The following SLC24A2 variants were observed in gnomAD, a reference collection of about 807,000 sequenced individuals.
SLC24A2 encodes the protein sodium/potassium/calcium exchanger 2.
In SLC24A2, 36 loss-of-function variants were observed where a neutral mutation model predicts 62.0. The observed-to-expected ratio is 0.58, with a 90% CI of 0.44 to 0.77. The LOEUF is 0.77. SLC24A2 is among the 30% of genes least tolerant of loss of function. The pLI is 0.00. For synonymous variants in SLC24A2, 358 were observed against 294.0 expected (o/e 1.22, Z -2.23); for missense variants, 846 against 817.9 (o/e 1.03, Z -0.42).
the SLC24A2 span, among the ~76,000 whole-genome samples, chr9:20,129,211 A>G: frequency 6.6e-6 from 1 of 152,110 alleles, no homozygotes; most frequent in Admixed American, 6.6e-5. Context: ...ATCATTAGTT[A>G]TTAGGGAAGT....
the SLC24A2 span, among the ~76,000 whole-genome samples, chr9:20,176,238 A>G: frequency 2.0e-5 from 3 of 151,928 alleles, no homozygotes; most frequent in Non-Finnish European, 4.4e-5. Flanking sequence ...CTTTTCTTCT[A>G]TTTGCCCCAA....
chr9:19,856,176 G>T, the SLC24A2 span, among the ~76,000 whole-genome samples: 1 of 152,128 alleles, frequency 6.6e-6, no homozygotes. Flanking sequence ...CTGGTTGACA[G>T]CTCTTGTAAT....
the SLC24A2 span, among the ~76,000 whole-genome samples, chr9:20,010,688 C>T: frequency 6.6e-6 from 1 of 151,710 alleles, no homozygotes; most frequent in Non-Finnish European, 1.5e-5. Context: ...TATACATGTG[C>T]CATGTTGGTG....
the SLC24A2 span, among the ~76,000 whole-genome samples, chr9:19,911,186 C>T: frequency 8.0e-5 from 12 of 150,582 alleles, no homozygotes; most frequent in Non-Finnish European, 1.3e-4. Flanking sequence ...TTTGTCCTTG[C>T]GATAGTTTAC....
At chr9:19,947,832 G>GAAAGAA in the SLC24A2 span, among the ~76,000 whole-genome samples, 1 of 143,118 alleles carries the variant, frequency 7.0e-6, no homozygotes, top group East Asian at 2.1e-4. Context: ...AAGAAAGAAA[G>GAAAGAA]AAAGAAAGAA....
chr9:20,136,339 G>T, the SLC24A2 span, among the ~76,000 whole-genome samples: 1 of 152,158 alleles, frequency 6.6e-6, no homozygotes, highest in Non-Finnish European at 1.5e-5. Context: ...GAGGATTCAA[G>T]AAAGAGGGAA....
At chr9:19,860,577 A>C in the SLC24A2 span, among the ~76,000 whole-genome samples, 1 of 152,060 alleles carries the variant, frequency 6.6e-6, no homozygotes. Context: ...AAAGTAAATA[A>C]AACTTTATCT....
rs374506418 is a variant in SLC24A2 at position 19,767,193 on chromosome 9, C to T, written c.930+18744G>A. Among the ~76,000 whole-genome samples the T allele has an allele frequency of 2.4e-4, 36 of 152,266 alleles. No homozygotes were observed. In the South Asian group the frequency reaches 3.9e-3, roughly 17 times the overall value. Reference sequence around the variant, plus strand: ...CGACTTCAGACTGCTGTGCTGGTAGCGAGAATTTCAAGCCAGTGGATCTTA... The same window carrying T: ...CGACTTCAGACTGCTGTGCTGGTAGTGAGAATTTCAAGCCAGTGGATCTTA... On this transcript the variant is annotated intron_variant, in intron 2 of 10. Transcript: ENST00000341998.
the SLC24A2 span, among the ~76,000 whole-genome samples, chr9:20,112,263 C>T: frequency 2.6e-5 from 4 of 152,264 alleles, no homozygotes; most frequent in African/African-American, 7.2e-5. Context: ...ACACAATCCT[C>T]GATAATTTTC....
chr9:19,991,625 T>C, the SLC24A2 span, among the ~76,000 whole-genome samples: 2 of 152,218 alleles, frequency 1.3e-5, no homozygotes, highest in African/African-American at 2.4e-5. Context: ...GCAGGACTAC[T>C]GTATTTGGTT....
intron 7 of SLC24A2, among the ~76,000 whole-genome samples, chr9:19,565,735 C>G (rs893514243): frequency 6.6e-6 from 1 of 152,152 alleles, no homozygotes; most frequent in African/African-American, 2.4e-5. Context: ...CTACAGTAAC[C>G]AAAACAGCAT....
At chr9:19,980,060 C>T in the SLC24A2 span, among the ~76,000 whole-genome samples, 2 of 152,134 alleles carry the variant, frequency 1.3e-5, no homozygotes, top group African/African-American at 4.8e-5. Context: ...GGAAATAGCA[C>T]GAAGAAATGG....
chr9:20,035,919 T>C, the SLC24A2 span, among the ~76,000 whole-genome samples: 2 of 152,152 alleles, frequency 1.3e-5, no homozygotes, highest in Non-Finnish European at 2.9e-5. Context: ...ATTCTTTGCC[T>C]GAAATGGCTA....
At chr9:20,305,767 G>T in the SLC24A2 span, among the ~76,000 whole-genome samples, 1 of 152,182 alleles carries the variant, frequency 6.6e-6, no homozygotes, top group Admixed American at 6.5e-5. Context: ...ATGGCAAGCG[G>T]CTGAATTGGT....
chr9:20,014,516 A>G, the SLC24A2 span, among the ~76,000 whole-genome samples: 2 of 150,310 alleles, frequency 1.3e-5, no homozygotes, highest in African/African-American at 2.5e-5. Flanking sequence ...ATATATATAT[A>G]TACACACACA....
chr9:20,288,340 T>C, the SLC24A2 span, among the ~76,000 whole-genome samples: 1 of 152,072 alleles, frequency 6.6e-6, no homozygotes. Flanking sequence ...TCTTATAAGG[T>C]GGCATCAACA....
intron 2 of SLC24A2, among the ~76,000 whole-genome samples, chr9:19,647,345 T>G (rs1468498400): frequency 6.6e-6 from 1 of 152,294 alleles, no homozygotes; most frequent in East Asian, 1.9e-4. Flanking sequence ...TGGTCTGTAT[T>G]AGGGTTTCCT....
the SLC24A2 span, among the ~76,000 whole-genome samples, chr9:20,260,392 A>G: frequency 6.6e-6 from 1 of 152,230 alleles, no homozygotes; most frequent in Non-Finnish European, 1.5e-5. Flanking sequence ...CCAGTCATCC[A>G]AAAGAAAACT....
the SLC24A2 span, among the ~76,000 whole-genome samples, chr9:19,947,509 G>A: frequency 1.3e-5 from 2 of 152,048 alleles, no homozygotes; most frequent in Admixed American, 6.5e-5. Flanking sequence ...AAATTAGTTC[G>A]GCCGGGTGTG....
Sources: gnomAD v4.1 joint callset for allele counts (sites outside exome capture counted in the v4.1 genomes callset) on GRCh38, gnomAD v4.1.1 for gene constraint, MANE v1.5 for transcripts, NCBI Gene and HGNC (gene_info 2026-07-23, HGNC 2026-07-21) for gene names.